The following POU6F2 variants were observed in gnomAD, a reference collection of about 807,000 sequenced individuals.
The protein encoded by POU6F2 is POU class 6 homeobox 2, also known as POU domain, class 6, transcription factor 2.
A neutral mutation model predicts 71.3 loss-of-function variants in POU6F2; 31 were observed. The ratio of observed to expected loss-of-function variants is 0.43; its 90% CI spans 0.33 to 0.59. The LOEUF is 0.59. Among genes scored for constraint, POU6F2 ranks in the 20% least tolerant of loss-of-function variants. The pLI is 0.04. For synonymous variants in POU6F2, 347 were observed against 355.7 expected, an observed-to-expected ratio of 0.98 and a Z score of 0.27; for missense variants, 783 against 856.8, an observed-to-expected ratio of 0.91 and a Z score of 1.07.
intron 6 of POU6F2, among the ~76,000 whole-genome samples, chr7:39,407,367 T>C (rs933716366): frequency 2.0e-5 from 3 of 151,150 alleles, no homozygotes; most frequent in Admixed American, 6.6e-5. Context: ...TCAGGGGTAG[T>C]AAACTTTCCT....
At chr7:39,385,323 A>C (rs1477569615) in intron 5 of POU6F2, among the ~76,000 whole-genome samples, 1 of 152,208 alleles carries the variant, frequency 6.6e-6, no homozygotes, top group Non-Finnish European at 1.5e-5. Flanking sequence ...ACAAACACCC[A>C]TTGCTTGCCT....
intron 6 of POU6F2, among the ~76,000 whole-genome samples, chr7:39,417,462 A>G (rs1286930077): frequency 2.0e-5 from 3 of 152,178 alleles, no homozygotes; most frequent in African/African-American, 4.8e-5. Flanking sequence ...CATTACTCCA[A>G]ATTGCCATTT....
At chr7:39,197,885 A>G (rs1793819435) in intron 2 of POU6F2, among the ~76,000 whole-genome samples, 1 of 152,208 alleles carries the variant, frequency 6.6e-6, no homozygotes, top group African/African-American at 2.4e-5. Context: ...ATTCTTACAT[A>G]TGAAGGCCTG....
chr7:39,244,398 G>A (rs918436395), intron 4 of POU6F2, among the ~76,000 whole-genome samples: 5 of 152,242 alleles, frequency 3.3e-5, no homozygotes, highest in African/African-American at 7.2e-5. Flanking sequence ...CTCGTTGCCC[G>A]TGTGACCATG....
intron 1 of POU6F2, among the ~76,000 whole-genome samples, chr7:39,025,697 T>C (rs1789784946): frequency 6.6e-6 from 1 of 151,132 alleles, no homozygotes; most frequent in Non-Finnish European, 1.5e-5. Context: ...GGGCAAGGAC[T>C]TCATGTCTAA....
Position 39,195,637 on chromosome 7 carries a change from C to T in POU6F2, c.278-8598C>T, listed in dbSNP as rs574826969. On this transcript the variant is annotated intron_variant, in intron 2 of 9. Transcript: ENST00000518318. ...GGTTTCCAGTATCCATGTGGGGCCACTTGGTTAACAGTCTCGGTGAGTAAA... is the reference window on the plus strand; with the variant it reads ...GGTTTCCAGTATCCATGTGGGGCCATTTGGTTAACAGTCTCGGTGAGTAAA... 1.9e-3 allele frequency among the ~76,000 whole-genome samples: 281 copies of T among 151,640 alleles called. 1 individual carries two copies. Among genetic ancestry groups the T allele is most frequent in the African/African-American group, 6.4e-3 (266 of 41,326 alleles).
intron 7 of POU6F2, among the ~76,000 whole-genome samples, chr7:39,445,605 A>C (rs1179600471): frequency 6.6e-6 from 1 of 152,150 alleles, no homozygotes; most frequent in African/African-American, 2.4e-5. Flanking sequence ...CAAAAGGATA[A>C]CTTCCTCCTC....
At chr7:38,978,309 T>A (rs924043827) in intron 1 of POU6F2, among the ~76,000 whole-genome samples, 2 of 152,214 alleles carry the variant, frequency 1.3e-5, no homozygotes, top group Admixed American at 1.3e-4. Flanking sequence ...AAATCTAATT[T>A]ATAATTTGGT....
intron 2 of POU6F2, among the ~76,000 whole-genome samples, chr7:39,111,857 T>C (rs1206516170): frequency 6.6e-6 from 1 of 152,176 alleles, no homozygotes; most frequent in Non-Finnish European, 1.5e-5. Context: ...GCAGATTTTT[T>C]TTTTAATGTT....
intron 4 of POU6F2, among the ~76,000 whole-genome samples, chr7:39,212,855 C>T (rs1794171018): frequency 6.6e-6 from 1 of 152,170 alleles, no homozygotes; most frequent in African/African-American, 2.4e-5. Context: ...AAAATAAAAT[C>T]CCCTTTATGG....
chr7:39,302,067 G>C (rs1784957558), intron 4 of POU6F2, among the ~76,000 whole-genome samples: 1 of 152,064 alleles, frequency 6.6e-6, no homozygotes, highest in African/African-American at 2.4e-5. Context: ...TGTGAGTTTT[G>C]CATGAGAATG....
At chr7:39,359,262 GT>G (rs903712352) in intron 5 of POU6F2, among the ~76,000 whole-genome samples, 7 of 152,078 alleles carry the variant, frequency 4.6e-5, no homozygotes, top group African/African-American at 1.7e-4. Context: ...ACCAAGTTTG[GT>G]TTTGCAAAGA....
chr7:39,420,942 GA>G (rs1469041083), intron 6 of POU6F2, among the ~76,000 whole-genome samples: 2 of 152,146 alleles, frequency 1.3e-5, no homozygotes, highest in African/African-American at 4.8e-5. Context: ...TTAGCAATAA[GA>G]AATCATATTT....
At chr7:39,129,361 G>A (rs554120400) in intron 2 of POU6F2, among the ~76,000 whole-genome samples, 1 of 152,258 alleles carries the variant, frequency 6.6e-6, no homozygotes, top group South Asian at 2.1e-4. Context: ...ATGAATATCA[G>A]ATAAAGGAAA....
chr7:39,184,001 C>T (rs577818380), intron 2 of POU6F2, among the ~76,000 whole-genome samples: 1 of 152,260 alleles, frequency 6.6e-6, no homozygotes, highest in African/African-American at 2.4e-5. Context: ...GTCCGTAAGT[C>T]CAGGCTGACA....
At chr7:39,252,392 A>ACAGG (rs1278167698) in intron 4 of POU6F2, among the ~76,000 whole-genome samples, 1 of 85,984 alleles carries the variant, frequency 1.2e-5, no homozygotes, top group Non-Finnish European at 2.5e-5. Context: ...ATACAGACAG[A>ACAGG]CAGACAGACA....
intron 4 of POU6F2, among the ~76,000 whole-genome samples, chr7:39,304,552 A>AG (rs35291669): frequency 0.033 from 4,982 of 151,958 alleles, 259 homozygotes; most frequent in African/African-American, 0.11. Flanking sequence ...GAGAAAAAAA[A>AG]TCAAGAAATA....
chr7:39,011,808 T>G (rs1789294008), intron 1 of POU6F2, among the ~76,000 whole-genome samples: 1 of 149,022 alleles, frequency 6.7e-6, no homozygotes, highest in Admixed American at 6.7e-5. Flanking sequence ...GATATGAAAT[T>G]CTGGGTTGAA....
intron 2 of POU6F2, among the ~76,000 whole-genome samples, chr7:39,171,016 CTTTT>C (rs760022218): frequency 9.5e-5 from 9 of 94,554 alleles, no homozygotes; most frequent in African/African-American, 3.3e-4. Context: ...TCACATATAT[CTTTT>C]TTTTTTTTTT....
Sources: allele counts gnomAD v4.1 joint callset (sites outside exome capture counted in the v4.1 genomes callset), GRCh38; gene constraint gnomAD v4.1.1; transcripts MANE v1.5; gene names NCBI Gene and HGNC (gene_info 2026-07-23, HGNC 2026-07-21).